The following CCSER2 variants were observed in gnomAD, a reference collection of about 807,000 sequenced individuals.
The protein encoded by CCSER2 is coiled-coil serine rich protein 2, also known as serine-rich coiled-coil domain-containing protein 2.
CCSER2 carries 46 observed loss-of-function variants against 92.3 expected under a neutral mutation model. The observed-to-expected ratio is 0.50, with a 90% CI of 0.39 to 0.64. The LOEUF is 0.64. CCSER2 is among the 30% of genes least tolerant of loss of function. The pLI is 0.00. For synonymous variants in CCSER2, 433 were observed against 431.4 expected, an observed-to-expected ratio of 1.00 and a Z score of -0.04; for missense variants, 1,244 against 1,238.9, an observed-to-expected ratio of 1.00 and a Z score of -0.06.
intron 3 of CCSER2, among the ~76,000 whole-genome samples, chr10:84,387,855 C>T (rs1285274215): frequency 1.3e-5 from 2 of 151,626 alleles, no homozygotes; most frequent in Non-Finnish European, 2.9e-5. Context: ...AAGACAAGGA[C>T]TGGACTTTTC....
chr10:84,348,543 C>T (rs1368600611), intron 1 of CCSER2, among the ~76,000 whole-genome samples: 2 of 152,086 alleles, frequency 1.3e-5, no homozygotes, highest in African/African-American at 4.8e-5. Flanking sequence ...AGGGAGAATC[C>T]TCACTTCTTA....
At chr10:84,457,735 T>TTGTTTG (rs1564686512) in intron 6 of CCSER2, among the ~76,000 whole-genome samples, 1 of 65,846 alleles carries the variant, frequency 1.5e-5, no homozygotes, top group African/African-American at 7.6e-5. Flanking sequence ...AAAATTTTGT[T>TTGTTTG]TGTTTGTTTT....
At chr10:84,468,795 C>G (rs955461323) in intron 7 of CCSER2, among the ~76,000 whole-genome samples, 2 of 151,528 alleles carry the variant, frequency 1.3e-5, no homozygotes, top group Admixed American at 6.6e-5. Context: ...CATATAGATT[C>G]CTAGGAGTAG....
chr10:84,470,318 G>C, intron 7 of CCSER2, 54 bp from the exon 8 acceptor site: 3 of 966,110 alleles, frequency 3.1e-6, no homozygotes, highest in Non-Finnish European at 4.1e-6. Context: ...TTGATTTCAT[G>C]CCTCTCATTA....
intron 5 of CCSER2, among the ~76,000 whole-genome samples, chr10:84,437,851 T>TACA (rs1564663052): frequency 6.6e-6 from 1 of 151,966 alleles, no homozygotes; most frequent in African/African-American, 2.4e-5. Context: ...TAACTAGGAT[T>TACA]ACAGGCACGT....
intron 1 of CCSER2, among the ~76,000 whole-genome samples, chr10:84,354,546 G>A (rs1410507047): frequency 2.3e-4 from 17 of 72,410 alleles, no homozygotes; most frequent in African/African-American, 1.0e-3. Flanking sequence ...GCCACCCCCC[G>A]CCCCCCGCCC....
intron 1 of CCSER2, among the ~76,000 whole-genome samples, chr10:84,340,557 AAAT>A (rs890380031): frequency 3.3e-5 from 5 of 152,168 alleles, no homozygotes; most frequent in Non-Finnish European, 4.4e-5. Context: ...TTTCATGAGC[AAAT>A]AATGAGACTT....
At chr10:84,484,572 T>C (rs561993266) in intron 9 of CCSER2, among the ~76,000 whole-genome samples, 2 of 152,336 alleles carry the variant, frequency 1.3e-5, no homozygotes, top group South Asian at 2.1e-4. Context: ...CTATTACTTA[T>C]ATTTTTAAAT....
At chr10:84,428,773 T>A (rs967534442) in intron 5 of CCSER2, among the ~76,000 whole-genome samples, 6 of 152,128 alleles carry the variant, frequency 3.9e-5, no homozygotes, top group Admixed American at 3.9e-4. Flanking sequence ...AGTTTGAAGT[T>A]CCCTTCCATT....
rs1843429763 is a variant in CCSER2 at position 84,329,285 on chromosome 10, C to T, written c.-40+477C>T. 2.0e-5 allele frequency among the ~76,000 whole-genome samples: 3 copies of T among 152,340 alleles called. No individual in the cohort carries two copies. In the South Asian group the frequency reaches 6.2e-4, roughly 32 times the overall value. ...CCGTTGCCGTAGGTTCAGATCTTCTCTCTTGTCTTTAGACATGTATTTTCA... is the reference window on the plus strand; with the variant it reads ...CCGTTGCCGTAGGTTCAGATCTTCTTTCTTGTCTTTAGACATGTATTTTCA... On this transcript the variant is annotated intron_variant, in intron 1 of 9. Coordinates refer to ENST00000372088, the MANE Select transcript of CCSER2 (RefSeq NM_001284240.2).
chr10:84,490,753 C>T (rs562152001), intron 9 of CCSER2, among the ~76,000 whole-genome samples: 1 of 152,368 alleles, frequency 6.6e-6, no homozygotes, highest in East Asian at 1.9e-4. Context: ...CGAAGTCATT[C>T]TCCGTCCAGC....
chr10:84,464,018 T>C lies in CCSER2; in HGVS notation c.2148+2T>C. 2 of 1,546,218 alleles carry C rather than the reference T, an allele frequency of 1.3e-6. No homozygotes were observed. Among genetic ancestry groups the C allele is most frequent in the South Asian group, 1.1e-5 (1 of 88,200 alleles). On this transcript the variant is annotated splice_donor_variant, in intron 7 of 9. Coordinates refer to ENST00000372088, the MANE Select transcript of CCSER2 (RefSeq NM_001284240.2). LOFTEE classifies it high-confidence loss of function. ...GAAGATGGTGATAAAGTATATAAGG[T>C]ATGACTATGTAGTCATGCTGGATTT...
In CCSER2 at chr10:84,457,223, T is replaced by A. The variant is rs1266896860; in HGVS notation, c.2065-6710T>A. On this transcript the variant is annotated intron_variant, in intron 6 of 9. Coordinates refer to ENST00000372088, the MANE Select transcript of CCSER2 (RefSeq NM_001284240.2). Reference sequence around the variant, plus strand: ...CTTCTTTTATATATATATTACATATTATATATAAATATATTATATATTATA... The same window carrying A: ...CTTCTTTTATATATATATTACATATAATATATAAATATATTATATATTATA... Among the ~76,000 whole-genome samples, 48 of 106,192 alleles carry A rather than the reference T, an allele frequency of 4.5e-4. 2 individuals carry two copies. The highest frequency in any genetic ancestry group is 3.1e-4 in the Non-Finnish European group (17 of 55,212). 69.7% of individuals were successfully genotyped at this position (106,192 alleles called of 152,430 possible).
intron 8 of CCSER2, among the ~76,000 whole-genome samples, chr10:84,473,688 C>T (rs970514617): frequency 4.6e-5 from 7 of 152,018 alleles, no homozygotes; most frequent in Middle Eastern, 3.4e-3. Flanking sequence ...ATTAAAATCA[C>T]CTATTAAAAA....
At chr10:84,511,869 T>A (rs1411745578) in intron 9 of CCSER2, among the ~76,000 whole-genome samples, 2 of 152,244 alleles carry the variant, frequency 1.3e-5, no homozygotes, top group African/African-American at 4.8e-5. Context: ...TTTGTGTTGA[T>A]GTGCTGTGAA....
At chr10:84,510,309 T>A (rs115485607) in intron 9 of CCSER2, among the ~76,000 whole-genome samples, 1 of 152,276 alleles carries the variant, frequency 6.6e-6, no homozygotes, top group African/African-American at 2.4e-5. Context: ...GGGCAGATTG[T>A]TCGCGGTTCT....
intron 9 of CCSER2, among the ~76,000 whole-genome samples, chr10:84,513,110 A>G (rs551646489): frequency 6.6e-6 from 1 of 152,334 alleles, no homozygotes; most frequent in South Asian, 2.1e-4. Flanking sequence ...CAAAAGCTGT[A>G]GAATCATTCT....
chr10:84,467,747 C>T (rs1289252113), intron 7 of CCSER2, among the ~76,000 whole-genome samples: 3 of 152,100 alleles, frequency 2.0e-5, no homozygotes, highest in African/African-American at 7.2e-5. Flanking sequence ...CTTTTGTTGG[C>T]GCAGCTATTC....
At chr10:84,469,639 CTG>C (rs1344016061) in intron 7 of CCSER2, among the ~76,000 whole-genome samples, 1 of 152,058 alleles carries the variant, frequency 6.6e-6, no homozygotes, top group Middle Eastern at 3.2e-3. Flanking sequence ...TTTTGGATAA[CTG>C]AATAATGAAA....
Sources: allele counts gnomAD v4.1 joint callset (sites outside exome capture counted in the v4.1 genomes callset), GRCh38; gene constraint gnomAD v4.1.1; transcripts MANE v1.5; gene names NCBI Gene and HGNC (gene_info 2026-07-23, HGNC 2026-07-21).